Variants in TBL1Y observed in about 807,000 individuals in gnomAD.
TBL1Y encodes the protein F-box-like/WD repeat-containing protein TBL1Y.
A neutral mutation model predicts 12.0 loss-of-function variants in TBL1Y; 15 were observed. The ratio of observed to expected loss-of-function variants is 1.25; its 90% CI spans 0.83 to 1.92. TBL1Y has a LOEUF of 1.92. Among genes scored for constraint, TBL1Y ranks in the 40% most tolerant of loss-of-function variants. The pLI, the probability that TBL1Y is intolerant of heterozygous loss-of-function variation, is 0.00. For synonymous variants in TBL1Y, 53 were observed against 42.6 expected (o/e 1.24, Z -0.95); for missense variants, 148 against 116.7 (o/e 1.27, Z -1.24).
intron 7 of TBL1Y, among the ~76,000 whole-genome samples, chrY:7,060,555 G>A (rs2012857007): frequency 3.9e-5 from 1 of 25,681 alleles, no homozygotes; most frequent in Non-Finnish European, 8.8e-5. Context: ...CTTCATGTCT[G>A]TGTTCTAGAC....
rs373111127 is a variant in TBL1Y, at chrY:6,970,455, C to G, written c.-265-7758C>G. ...TACAGGTGCCTGCCACCAGGCCTGG[C>G]TAATTTTTGTGTTTTTAGTAGAGAC... On this transcript the variant is annotated intron_variant, in intron 2 of 18. Transcript: ENST00000383032. 1.1e-3 allele frequency among the ~76,000 whole-genome samples: 35 copies of G among 32,913 alleles called. No individual in the cohort carries two copies. In the East Asian group the frequency reaches 0.012, roughly 11 times the overall value. The allele number at this position is 32,913 out of a possible 37,273, so 88.3% of individuals were successfully genotyped here. A position where few individuals can be genotyped will look rare whatever the true frequency, so the allele number is the denominator to read the frequency against.
chrY:7,056,116 T>G, intron 7 of TBL1Y, among the ~76,000 whole-genome samples: 1 of 33,479 alleles, frequency 3.0e-5, no homozygotes, highest in Non-Finnish European at 7.4e-5. Flanking sequence ...CTCTGGTAGA[T>G]GGAAATCAAA....
At chrY:6,921,669 T>G in intron 2 of TBL1Y, among the ~76,000 whole-genome samples, 2 of 33,279 alleles carry the variant, frequency 6.0e-5, no homozygotes, top group African/African-American at 2.3e-4. Flanking sequence ...CTCCCTGTCT[T>G]GGTAACTTTC....
intron 2 of TBL1Y, among the ~76,000 whole-genome samples, chrY:6,944,833 T>C: frequency 5.9e-5 from 2 of 33,677 alleles, no homozygotes; most frequent in African/African-American, 2.3e-4. Context: ...ACCTTTTGAC[T>C]GTAATGCATA....
chrY:7,034,782 G>T (rs2012678122), intron 6 of TBL1Y, among the ~76,000 whole-genome samples: 1 of 33,500 alleles, frequency 3.0e-5, no homozygotes, highest in Non-Finnish European at 7.4e-5. Flanking sequence ...AGCTGAAACT[G>T]ATCCCTTCCT....
intron 2 of TBL1Y, among the ~76,000 whole-genome samples, chrY:6,942,971 G>T (rs2011962517): frequency 3.1e-5 from 1 of 32,582 alleles, no homozygotes; most frequent in Non-Finnish European, 7.5e-5. Context: ...AACAGAATGA[G>T]ACACTGTCTC....
At chrY:6,974,696 T>C (rs2012227164) in intron 2 of TBL1Y, among the ~76,000 whole-genome samples, 3 of 34,504 alleles carry the variant, frequency 8.7e-5, no homozygotes, top group Non-Finnish European at 2.2e-4. Context: ...ATCTAGGTGA[T>C]CTGTGAAACT....
At chrY:7,053,329 A>C (rs947358001) in intron 7 of TBL1Y, among the ~76,000 whole-genome samples, 1 of 33,529 alleles carries the variant, frequency 3.0e-5, no homozygotes, top group Non-Finnish European at 7.4e-5. Context: ...CCCTTTGAGC[A>C]GGTTAAGGTC....
intron 2 of TBL1Y, among the ~76,000 whole-genome samples, chrY:6,959,387 G>T: frequency 3.0e-5 from 1 of 32,897 alleles, no homozygotes; most frequent in African/African-American, 1.2e-4. Context: ...CACAGTAACA[G>T]TCTGATCTCT....
At chrY:6,978,450 T>C in intron 3 of TBL1Y, among the ~76,000 whole-genome samples, 1 of 34,233 alleles carries the variant, frequency 2.9e-5, no homozygotes, top group Non-Finnish European at 7.3e-5. Context: ...AGTGAATAAA[T>C]AAAGTGCCTG....
At chrY:6,986,761 A>G (rs1292637617) in intron 3 of TBL1Y, among the ~76,000 whole-genome samples, 6 of 31,386 alleles carry the variant, frequency 1.9e-4, no homozygotes, top group Non-Finnish European at 7.7e-5. Flanking sequence ...AATTAAGAGC[A>G]TCCTTTCAGA....
intron 3 of TBL1Y, among the ~76,000 whole-genome samples, chrY:6,979,233 A>G (rs2012269211): frequency 3.0e-5 from 1 of 33,514 alleles, no homozygotes; most frequent in Non-Finnish European, 7.4e-5. Context: ...TGCCCAGTGA[A>G]AAGTGCAGTA....
At chrY:7,064,312 C>A in intron 8 of TBL1Y, among the ~76,000 whole-genome samples, 163 bp downstream of exon 8, 3 of 33,315 alleles carry the variant, frequency 9.0e-5, no homozygotes, top group Non-Finnish European at 2.2e-4. Flanking sequence ...AGCTCCCGTT[C>A]CAGTTTTCCA....
intron 2 of TBL1Y, among the ~76,000 whole-genome samples, chrY:6,938,476 A>G (rs2011919049): frequency 6.0e-5 from 2 of 33,579 alleles, no homozygotes; most frequent in Non-Finnish European, 1.5e-4. Flanking sequence ...GAGGCTGGCG[A>G]TATTCCTGGG....
At chrY:7,041,038 C>G in intron 6 of TBL1Y, among the ~76,000 whole-genome samples, 16 of 34,129 alleles carry the variant, frequency 4.7e-4, no homozygotes, top group Admixed American at 4.3e-3. Context: ...TTTTCAGGAG[C>G]CGTAATCAGC....
chrY:7,061,237 A>G, intron 7 of TBL1Y, among the ~76,000 whole-genome samples: 2 of 30,061 alleles, frequency 6.7e-5, no homozygotes, highest in Non-Finnish European at 1.6e-4. Context: ...CATTTGGGCC[A>G]TTCTGGGTTT....
chrY:6,980,595 C>A, intron 3 of TBL1Y, among the ~76,000 whole-genome samples: 1 of 33,762 alleles, frequency 3.0e-5, no homozygotes, highest in Non-Finnish European at 7.3e-5. Context: ...GGGCATAAGA[C>A]CCATGTTTAT....
At chrY:6,918,410 C>A in intron 2 of TBL1Y, among the ~76,000 whole-genome samples, 4 of 32,610 alleles carry the variant, frequency 1.2e-4, no homozygotes, top group Non-Finnish European at 7.5e-5. Context: ...TGAATTTTTA[C>A]TTATCTATTT....
chrY:7,011,816 A>G (rs890190895), intron 4 of TBL1Y, among the ~76,000 whole-genome samples: 3 of 34,144 alleles, frequency 8.8e-5, no homozygotes, highest in Admixed American at 2.7e-4. Flanking sequence ...ACTACTGCAC[A>G]TAGGCCAGCT....
Sources: allele counts gnomAD v4.1 joint callset (sites outside exome capture counted in the v4.1 genomes callset), GRCh38; gene constraint gnomAD v4.1.1; transcripts MANE v1.5; gene names NCBI Gene and HGNC (gene_info 2026-07-23, HGNC 2026-07-21).